Variants in AIDA observed in about 807,000 individuals in gnomAD.
AIDA encodes the protein axin interactor, dorsalization associated, also known as axin interactor, dorsalization-associated protein.
AIDA carries 18 observed loss-of-function variants against 42.7 expected under a neutral mutation model. The ratio of observed to expected loss-of-function variants is 0.42; its 90% confidence interval spans 0.29 to 0.63. AIDA has a LOEUF of 0.63. AIDA is among the 20% of genes least tolerant of loss of function. The probability of loss-of-function intolerance (pLI) is 0.19; values close to 1 mark genes in which losing one functional copy is unlikely to be tolerated. For missense variants in AIDA, 250 were observed against 354.1 expected, an observed-to-expected ratio of 0.71 and a Z score of 2.36; for synonymous variants, 104 against 122.9, an observed-to-expected ratio of 0.85 and a Z score of 1.02.
chr1:222,689,499 A>ATG (rs1655297597), intron 4 of AIDA, among the ~76,000 whole-genome samples: 1 of 69,034 alleles, frequency 1.4e-5, no homozygotes, highest in Non-Finnish European at 3.2e-5. Context: ...ATATATATAT[A>ATG]TATATATATA....
At chr1:222,685,899 C>T (rs896389831) in intron 6 of AIDA, among the ~76,000 whole-genome samples, 1 of 152,202 alleles carries the variant, frequency 6.6e-6, no homozygotes, top group Admixed American at 6.5e-5. Flanking sequence ...ATGGCTCATG[C>T]CTGTAAACCC....
rs765351898 is a variant in AIDA, at chr1:222,689,520, T to TATATATACAC, written c.290-1863_290-1862insGTGTATATAT. Among the ~76,000 whole-genome samples the TATATATACAC allele has an allele frequency of 6.6e-3, 384 of 57,970 alleles. 6 individuals carry two copies. Among genetic ancestry groups the TATATATACAC allele is most frequent in the Non-Finnish European group, 0.011 (286 of 26,284 alleles). The allele number at this position is 57,970 out of a possible 152,430, so 38.0% of individuals were successfully genotyped here. A position where few individuals can be genotyped will look rare whatever the true frequency, so the allele number is the denominator to read the frequency against. On this transcript the variant is annotated intron_variant, in intron 4 of 9. Coordinates refer to ENST00000340020, the MANE Select transcript of AIDA (RefSeq NM_022831.4). ...ATATATATATATATATATATATATA[T>TATATATACAC]ACACACATACACACACACACATATA...
At chr1:222,673,548 G>T in intron 7 of AIDA, 113 bp from the exon 8 acceptor site, 2 of 707,018 alleles carry the variant, frequency 2.8e-6, no homozygotes, top group Non-Finnish European at 2.1e-6. Flanking sequence ...AGGCCGAGGC[G>T]GGCAGATGAC....
At chr1:222,702,348 T>G (rs1655732337) in intron 2 of AIDA, among the ~76,000 whole-genome samples, 1 of 152,192 alleles carries the variant, frequency 6.6e-6, no homozygotes, top group Non-Finnish European at 1.5e-5. Flanking sequence ...ACACTGTCTT[T>G]TCTTAAGAGA....
chr1:222,688,642 C>G (rs1485369587), intron 4 of AIDA, among the ~76,000 whole-genome samples: 1 of 151,696 alleles, frequency 6.6e-6, no homozygotes, highest in African/African-American at 2.4e-5. Flanking sequence ...CTCCGTTGCC[C>G]AGGCTAGAGT....
chr1:222,678,088 TTCCC>T (rs1664585624), intron 6 of AIDA, among the ~76,000 whole-genome samples: 1 of 152,094 alleles, frequency 6.6e-6, no homozygotes, highest in Admixed American at 6.5e-5. Context: ...ATGAGCCCAT[TTCCC>T]TGTTGTCTCA....
chr1:222,686,759 G>C (rs775114906), intron 6 of AIDA, among the ~76,000 whole-genome samples, 171 bp downstream of exon 6: 6 of 152,148 alleles, frequency 3.9e-5, no homozygotes, highest in African/African-American at 7.2e-5. Context: ...CAGATAGTAA[G>C]ATAACTTCAC....
At chr1:222,689,977 T>C (rs746413584) in intron 4 of AIDA, among the ~76,000 whole-genome samples, 2 of 152,130 alleles carry the variant, frequency 1.3e-5, no homozygotes, top group Non-Finnish European at 1.5e-5. Context: ...TTTTCTACTA[T>C]GTTCAGATAG....
Position 222,670,193 on chromosome 1 carries a change from G to A in AIDA, c.764C>T (p.Thr255Ile). 1 of 1,614,066 alleles carries A rather than the reference G, an allele frequency of 6.2e-7. No homozygotes were observed. Among genetic ancestry groups the A allele is most frequent in the South Asian group, 1.1e-5 (1 of 91,076 alleles). ...HYKPKKRFTSTKCFAFMEMDE... is the reference protein window; with the variant it reads ...HYKPKKRFTSIKCFAFMEMDE... Reference sequence around the variant, plus strand: ...CATCTCCATGAAAGCAAAACACTTGGTGCTGGTAAACCTTTTTTTAGGCTT... The same window carrying A: ...CATCTCCATGAAAGCAAAACACTTGATGCTGGTAAACCTTTTTTTAGGCTT... Residue 255 changes from threonine to isoleucine, a missense_variant, in exon 9 of 10, where the codon ACC becomes ATC. By Grantham distance (89) the Thr-to-Ile change is moderately conservative (BLOSUM62 -1). Around this residue, in one of 4 missense-constraint regions of AIDA, gnomAD observed 35 missense variants for 75.9 expected, o/e 0.46. Transcript: ENST00000340020.
chr1:222,696,014 C>T (rs933879519), intron 2 of AIDA, among the ~76,000 whole-genome samples: 2 of 152,146 alleles, frequency 1.3e-5, no homozygotes, highest in Non-Finnish European at 2.9e-5. Context: ...AAATAAACCA[C>T]TACTGAGCAA....
At chr1:222,690,580 C>T (rs1655343467) in intron 4 of AIDA, among the ~76,000 whole-genome samples, 1 of 152,142 alleles carries the variant, frequency 6.6e-6, no homozygotes, top group Non-Finnish European at 1.5e-5. Context: ...GGCATATTGG[C>T]ATCCCAAAGG....
rs1016656373 is a variant in AIDA, at chr1:222,668,982, G to A, written c.*911C>T. 1 of 152,090 alleles carries A rather than the reference G, an allele frequency of 6.6e-6. No individual in the cohort carries two copies. Among genetic ancestry groups the A allele is most frequent in the Non-Finnish European group, 1.5e-5 (1 of 68,022 alleles). 9.4% of individuals were successfully genotyped at this position (152,090 alleles called of 1,614,324 possible). A position where few individuals can be genotyped will look rare whatever the true frequency, so the allele number is the denominator to read the frequency against. On this transcript the variant is annotated 3_prime_UTR_variant, in exon 10 of 10. Transcript: ENST00000340020. ...AGATTTTGCATACTCCTCACTGTAA[G>A]AAGAGGTATGCAGGTTTTAAGGTTT...
chr1:222,711,053 C>A (rs1052723461), intron 1 of AIDA, among the ~76,000 whole-genome samples: 2 of 124,280 alleles, frequency 1.6e-5, no homozygotes, highest in African/African-American at 6.3e-5. Context: ...AAGTACCAAG[C>A]GTATATTCTT....
At chr1:222,704,928 C>A (rs1421683131) in intron 1 of AIDA, among the ~76,000 whole-genome samples, 1 of 152,028 alleles carries the variant, frequency 6.6e-6, no homozygotes, top group Non-Finnish European at 1.5e-5. Flanking sequence ...CAAAGGGTAG[C>A]AAGTGCTAGA....
At chr1:222,688,059 T>G (rs1655246657) in intron 4 of AIDA, among the ~76,000 whole-genome samples, 1 of 151,890 alleles carries the variant, frequency 6.6e-6, no homozygotes, top group Non-Finnish European at 1.5e-5. Flanking sequence ...CTCTACAAAA[T>G]AAAAATAAAA....
intron 4 of AIDA, among the ~76,000 whole-genome samples, chr1:222,689,481 GTATATATATA>G (rs1183093082): frequency 0.018 from 626 of 35,362 alleles, 27 homozygotes; most frequent in African/African-American, 0.037. Flanking sequence ...GTGTGTGTGT[GTATATATATA>G]TATATATATA....
intron 1 of AIDA, among the ~76,000 whole-genome samples, chr1:222,710,548 T>C (rs1655968113): frequency 6.6e-6 from 1 of 152,232 alleles, no homozygotes; most frequent in African/African-American, 2.4e-5. Flanking sequence ...TTTCAAACTA[T>C]GCAATATTAG....
In AIDA at chr1:222,668,321, TGAA is replaced by T. The variant is rs1241087834; in HGVS notation, c.*1569_*1571del. ...CGGAGAAAATGCGCCTCTTGCTCCTTGAAGAGCTTACAGTCTAGGGATTTGACA... is the reference window on the plus strand; with the variant it reads ...CGGAGAAAATGCGCCTCTTGCTCCTTGAGCTTACAGTCTAGGGATTTGACA... On this transcript the variant is annotated 3_prime_UTR_variant, in exon 10 of 10. Transcript: ENST00000340020. 1.6e-5 allele frequency: 2 copies of T among 128,136 alleles called. No individual in the cohort carries two copies. Among genetic ancestry groups the T allele is most frequent in the Non-Finnish European group, 3.3e-5 (2 of 61,474 alleles). The allele number at this position is 128,136 out of a possible 1,614,324, so 7.9% of individuals were successfully genotyped here. A position where few individuals can be genotyped will look rare whatever the true frequency, so the allele number is the denominator to read the frequency against.
intron 1 of AIDA, 119 bp from the exon 2 acceptor site, chr1:222,703,336 A>C (rs1355229016): frequency 1.3e-5 from 9 of 683,246 alleles, no homozygotes; most frequent in Admixed American, 3.7e-5. Context: ...TTAAAATACA[A>C]ATCTACATTG....
Sources: allele counts gnomAD v4.1 joint callset (sites outside exome capture counted in the v4.1 genomes callset), GRCh38; gene constraint gnomAD v4.1.1; regional missense constraint gnomAD v4.1.1; transcripts MANE v1.5; gene names NCBI Gene and HGNC (gene_info 2026-07-23, HGNC 2026-07-21).